Variants in MEGF10 observed in about 807,000 individuals in gnomAD.
MEGF10 encodes the protein multiple EGF like domains 10.
MEGF10 carries 86 observed loss-of-function variants against 147.5 expected under a neutral mutation model. That is an observed-to-expected ratio of 0.58 (90% CI 0.49 to 0.70). The LOEUF is 0.70. Among genes scored for constraint, MEGF10 ranks in the 30% least tolerant of loss-of-function variants. The pLI, the probability that MEGF10 is intolerant of heterozygous loss-of-function variation, is 0.00. For missense variants in MEGF10, 1,329 were observed against 1,487.3 expected (o/e 0.89, Z 1.75); for synonymous variants, 478 against 525.5 (o/e 0.91, Z 1.24).
At chr5:127,408,169 A>G (rs1012580252) in intron 8 of MEGF10, among the ~76,000 whole-genome samples, 1 of 152,192 alleles carries the variant, frequency 6.6e-6, no homozygotes, top group South Asian at 2.1e-4. Context: ...GGTTCCCTGT[A>G]ATTTGGTAAC....
chr5:127,364,335 A>G (rs1762580860), intron 4 of MEGF10, among the ~76,000 whole-genome samples: 1 of 152,230 alleles, frequency 6.6e-6, no homozygotes, highest in Admixed American at 6.5e-5. Flanking sequence ...GGAATTGTCC[A>G]TTTGGACATT....
At chr5:127,402,331 T>C (rs1349723295) in intron 7 of MEGF10, among the ~76,000 whole-genome samples, 1 of 152,214 alleles carries the variant, frequency 6.6e-6, no homozygotes, top group Non-Finnish European at 1.5e-5. Context: ...GAATGTATCT[T>C]GAGATTTGGG....
intron 4 of MEGF10, among the ~76,000 whole-genome samples, chr5:127,353,708 T>G (rs542765230): frequency 6.6e-6 from 1 of 152,148 alleles, no homozygotes; most frequent in South Asian, 2.1e-4. Context: ...GGGACTGTTC[T>G]GATGATTATT....
At chr5:127,294,386 T>C (rs1759400403) in intron 1 of MEGF10, among the ~76,000 whole-genome samples, 1 of 152,206 alleles carries the variant, frequency 6.6e-6, no homozygotes. Flanking sequence ...AATGGATGAA[T>C]GATAGTCAAC....
chr5:127,350,889 C>T (rs1041254895), intron 4 of MEGF10, among the ~76,000 whole-genome samples: 31 of 151,582 alleles, frequency 2.0e-4, no homozygotes, highest in Admixed American at 7.2e-4. Context: ...TAATCACATC[C>T]GGGTAAATGG....
At chr5:127,417,914 A>C in intron 10 of MEGF10, 102 bp downstream of exon 10, 2 of 1,193,624 alleles carry the variant, frequency 1.7e-6, no homozygotes, top group Non-Finnish European at 2.3e-6. Flanking sequence ...TGAATGTGCT[A>C]AAGTCATCCA....
At chr5:127,298,659 G>A (rs1052442751) in intron 1 of MEGF10, among the ~76,000 whole-genome samples, 2 of 152,140 alleles carry the variant, frequency 1.3e-5, no homozygotes, top group East Asian at 1.9e-4. Context: ...CATTCAAAAG[G>A]CATGCCTTTT....
intron 17 of MEGF10, among the ~76,000 whole-genome samples, chr5:127,439,647 C>T (rs1765685477): frequency 6.6e-6 from 1 of 152,208 alleles, no homozygotes; most frequent in African/African-American, 2.4e-5. Context: ...GAACGTGCTT[C>T]AAAGAGAGAA....
chr5:127,313,230 C>G (rs1428032114), intron 1 of MEGF10, among the ~76,000 whole-genome samples: 2 of 152,056 alleles, frequency 1.3e-5, no homozygotes, highest in African/African-American at 4.8e-5. Flanking sequence ...GAAGCCACAT[C>G]TATATCCCAG....
rs1291059523 is a variant in MEGF10 at position 127,369,956 on chromosome 5, C to T, written c.366C>T (p.Asn122=). The T allele has an allele frequency of 4.3e-6, 7 of 1,613,366 alleles. No homozygotes were observed. The highest frequency in any genetic ancestry group is 5.1e-6 in the Non-Finnish European group (6 of 1,179,644). Residue 122 remains asparagine, a synonymous_variant, in exon 5 of 25, where the codon AAC becomes AAT. Coordinates refer to ENST00000503335, the MANE Select transcript of MEGF10 (RefSeq NM_001256545.2). ...TCCATGGTCGCTGTATTGCTCCAAA[C>T]ACCTGTCAGTGTGAGCCTGGCTGGG... is the stretch of plus-strand genomic sequence containing the variant. ...KCVHGRCIAP[N]TCQCEPGWGG...
chr5:127,340,414 T>G, intron 3 of MEGF10, 116 bp from the exon 4 acceptor site: 4 of 642,540 alleles, frequency 6.2e-6, no homozygotes, highest in Non-Finnish European at 1.1e-5. Flanking sequence ...AGCAAATTGA[T>G]GAGTTAGTAT....
chr5:127,421,468 G>A (rs1470331128), intron 12 of MEGF10, among the ~76,000 whole-genome samples: 1 of 152,176 alleles, frequency 6.6e-6, no homozygotes, highest in African/African-American at 2.4e-5. Context: ...GGGTGGTGTT[G>A]GGAAGGCTTG....
chr5:127,270,546 A>T, the MEGF10 span, among the ~76,000 whole-genome samples: 7 of 152,230 alleles, frequency 4.6e-5, no homozygotes, highest in Admixed American at 2.0e-4. Flanking sequence ...TCTTAAATAT[A>T]TATGCACCCA....
Position 127,457,113 on chromosome 5 carries a change from C to G in MEGF10, c.3233-15C>G. The G allele has an allele frequency of 6.3e-7, 1 of 1,587,444 alleles. No individual in the cohort carries two copies. The highest frequency in any genetic ancestry group is 1.2e-5 in the South Asian group (1 of 85,776). On this transcript the variant is annotated splice_polypyrimidine_tract_variant and intron_variant, in intron 24 of 24. Coordinates refer to ENST00000503335, the MANE Select transcript of MEGF10 (RefSeq NM_001256545.2). ...TTCCTTTGCTGATAAATTAATATGT[C>G]CTTGGTTATCACAGAACCTACAGTG... is the stretch of plus-strand genomic sequence containing the variant.
rs1484364681 is a variant in MEGF10 at position 127,406,670 on chromosome 5, A to G, written c.918-3719A>G. On this transcript the variant is annotated intron_variant, in intron 8 of 24. Transcript: ENST00000503335. The stretch of plus-strand genomic sequence containing the variant: ...TCCTCCCCGCCAGAGAGAAATAAGA[A>G]AAATCCAAACAGACACCCTGTAGGC... Among the ~76,000 whole-genome samples, 3 of 152,230 alleles carry G rather than the reference A, an allele frequency of 2.0e-5. No individual in the cohort carries two copies. The East Asian group carries it at 5.8e-4, about 29-fold the overall frequency.
the MEGF10 span, among the ~76,000 whole-genome samples, chr5:127,250,585 A>G: frequency 6.6e-6 from 1 of 152,042 alleles, no homozygotes; most frequent in Non-Finnish European, 1.5e-5. Flanking sequence ...AAACATTCCT[A>G]CTAAAGTTAG....
chr5:127,247,436 A>G, the MEGF10 span, among the ~76,000 whole-genome samples: 166 of 112,174 alleles, frequency 1.5e-3, 8 homozygotes, highest in South Asian at 4.6e-3. Flanking sequence ...AAGAAGAAGA[A>G]GAAGAAGAAG....
intron 5 of MEGF10, among the ~76,000 whole-genome samples, chr5:127,391,777 T>G (rs1242505846): frequency 6.6e-6 from 1 of 152,202 alleles, no homozygotes; most frequent in African/African-American, 2.4e-5. Flanking sequence ...CTATTGACTC[T>G]GCTGAAATGA....
chr5:127,427,301 C>A (rs2126988360), intron 13 of MEGF10, among the ~76,000 whole-genome samples: 1 of 152,166 alleles, frequency 6.6e-6, no homozygotes, highest in East Asian at 1.9e-4. Context: ...ACCACATAAT[C>A]AATGGCAAAT....
Sources: gnomAD v4.1 joint callset for allele counts (sites outside exome capture counted in the v4.1 genomes callset) on GRCh38, gnomAD v4.1.1 for gene constraint, MANE v1.5 for transcripts, NCBI Gene and HGNC (gene_info 2026-07-23, HGNC 2026-07-21) for gene names.